SAMD8: variants seen among roughly 807,000 people sequenced by gnomAD.
The protein encoded by SAMD8 is sterile alpha motif domain containing 8.
SAMD8 carries 20 observed loss-of-function variants against 42.0 expected under a neutral mutation model. The observed-to-expected ratio is 0.48, with a 90% CI of 0.34 to 0.69. The LOEUF (loss-of-function observed/expected upper bound fraction) is 0.69, where lower values mean the gene tolerates loss of function less well. Among genes scored for constraint, SAMD8 ranks in the 30% least tolerant of loss-of-function variants. The probability of loss-of-function intolerance (pLI) is 0.01; values close to 1 mark genes in which losing one functional copy is unlikely to be tolerated. For synonymous variants in SAMD8, 162 were observed against 173.0 expected (o/e 0.94, Z 0.50); for missense variants, 328 against 511.6 (o/e 0.64, Z 3.46).
chr10:75,156,485 A>T (rs987493968), intron 2 of SAMD8, among the ~76,000 whole-genome samples: 2 of 152,178 alleles, frequency 1.3e-5, no homozygotes, highest in African/African-American at 2.4e-5. Flanking sequence ...CTATTACTTA[A>T]TTACAGAGGG....
chr10:75,172,501 ATT>A (rs756029536), intron 4 of SAMD8, among the ~76,000 whole-genome samples: 4 of 141,054 alleles, frequency 2.8e-5, no homozygotes, highest in Non-Finnish European at 3.1e-5. Flanking sequence ...CAGCCAACTG[ATT>A]TTTTTTTTTT....
intron 4 of SAMD8, among the ~76,000 whole-genome samples, chr10:75,172,936 G>C (rs960043942): frequency 6.6e-6 from 1 of 152,022 alleles, no homozygotes; most frequent in Non-Finnish European, 1.5e-5. Flanking sequence ...ACCTAGCCAG[G>C]ACAGATTTTA....
At chr10:75,106,098 TTTC>T (rs1472918954) in intron 1 of SAMD8, among the ~76,000 whole-genome samples, 8,089 of 112,936 alleles carry the variant, frequency 0.072, 331 homozygotes, top group African/African-American at 0.17. Flanking sequence ...TTTTCTTTCT[TTTC>T]TTTTTTTTTT....
rs563561565 is a variant in SAMD8, at chr10:75,128,198, G to C, written c.-16+16476G>C. Among the ~76,000 whole-genome samples, 23 of 148,416 alleles carry C rather than the reference G, an allele frequency of 1.5e-4. No homozygotes were observed. The South Asian group carries it at 5.0e-3, about 32-fold the overall frequency. ...AGCAATTCTCCTACCTCAGCCTCCCGAGTAGCTGGGATTACAGGCACATGC... is the reference window on the plus strand; with the variant it reads ...AGCAATTCTCCTACCTCAGCCTCCCCAGTAGCTGGGATTACAGGCACATGC... On this transcript the variant is annotated intron_variant, in intron 1 of 5. Coordinates refer to ENST00000542569, the MANE Select transcript of SAMD8 (RefSeq NM_001174156.2).
At chr10:75,141,295 A>G (rs559070638) in intron 1 of SAMD8, among the ~76,000 whole-genome samples, 1 of 151,770 alleles carries the variant, frequency 6.6e-6, no homozygotes, top group East Asian at 2.0e-4. Context: ...TGGAGGTTGC[A>G]GTGAGCCGAG....
At chr10:75,121,703 C>CT (rs965107688) in intron 1 of SAMD8, among the ~76,000 whole-genome samples, 21 of 150,898 alleles carry the variant, frequency 1.4e-4, no homozygotes, top group Admixed American at 3.3e-4. Flanking sequence ...TTTTTTTCTT[C>CT]TTTTTTTTGA....
At chr10:75,155,611 G>C (rs1021182301) in intron 2 of SAMD8, among the ~76,000 whole-genome samples, 1 of 152,184 alleles carries the variant, frequency 6.6e-6, no homozygotes. Context: ...GCAAAAATGG[G>C]TTATAATAGG....
At chr10:75,163,679 T>A (rs2997753) in intron 2 of SAMD8, among the ~76,000 whole-genome samples, 37,825 of 151,372 alleles carry the variant, frequency 0.25, 5,218 homozygotes, top group East Asian at 0.59. Flanking sequence ...AACTCCTGAG[T>A]TTAAGTAGTT....
intron 1 of SAMD8, among the ~76,000 whole-genome samples, chr10:75,121,314 TTTCTG>T (rs1429761737): frequency 6.6e-6 from 1 of 152,190 alleles, no homozygotes; most frequent in Non-Finnish European, 1.5e-5. Flanking sequence ...TACTCTTTAC[TTTCTG>T]GGCTGTATAT....
At chr10:75,110,534 G>A (rs537905607), upstream of SAMD8, among the ~76,000 whole-genome samples, 1 of 152,324 alleles carries the variant, frequency 6.6e-6, no homozygotes, top group East Asian at 1.9e-4. Flanking sequence ...CTACACTCAT[G>A]TCTATCCCAT....
rs1056345825 is a variant in SAMD8, at chr10:75,100,829, C to T, written c.-16+1101C>T. ...CACTCCCCCGTTTGCCTCTGTCTCC[C>T]ATCCTCCCCCAGGAAGCTCATGTGC... On this transcript the variant is annotated intron_variant, in intron 1 of 3. Coordinates refer to the SAMD8 transcript ENST00000447533. Among the ~76,000 whole-genome samples, 7 of 152,386 alleles carry T rather than the reference C, an allele frequency of 4.6e-5. No homozygotes were observed. The East Asian group carries it at 1.4e-3, about 29-fold the overall frequency.
intron 2 of SAMD8, among the ~76,000 whole-genome samples, chr10:75,159,716 C>A (rs1840512628): frequency 6.6e-6 from 1 of 152,226 alleles, no homozygotes; most frequent in African/African-American, 2.4e-5. Flanking sequence ...TGGACCTACA[C>A]TGTCCCAAAT....
intron 1 of SAMD8, among the ~76,000 whole-genome samples, chr10:75,102,721 G>A (rs1020254351): frequency 3.9e-5 from 6 of 152,172 alleles, no homozygotes; most frequent in African/African-American, 1.4e-4. Context: ...GGGAGGCCGA[G>A]GTGGGCGGAT....
At chr10:75,103,751 C>G (rs1276207649) in intron 1 of SAMD8, 2 of 604,730 alleles carry the variant, frequency 3.3e-6, no homozygotes, top group African/African-American at 2.0e-5. Context: ...CTGAGGGGAG[C>G]TGCTGGAGAC....
At chr10:75,144,668 G>T (rs1278853127) in intron 1 of SAMD8, among the ~76,000 whole-genome samples, 1 of 151,304 alleles carries the variant, frequency 6.6e-6, no homozygotes, top group Admixed American at 6.6e-5. Flanking sequence ...TCTTTTCATT[G>T]TTTTTTTGAG....
At chr10:75,114,701 C>T (rs72805337) in intron 1 of SAMD8, among the ~76,000 whole-genome samples, 4,664 of 152,150 alleles carry the variant, frequency 0.031, 109 homozygotes, top group Middle Eastern at 0.083. Context: ...ACTTCCAGGC[C>T]TGATGTAATA....
At chr10:75,115,080 A>G (rs1848845438) in intron 1 of SAMD8, among the ~76,000 whole-genome samples, 1 of 152,236 alleles carries the variant, frequency 6.6e-6, no homozygotes, top group South Asian at 2.1e-4. Flanking sequence ...ACTTATTTGC[A>G]GAGATGACAG....
intron 4 of SAMD8, among the ~76,000 whole-genome samples, chr10:75,175,515 C>T (rs1312263172): frequency 1.3e-5 from 2 of 151,564 alleles, no homozygotes; most frequent in South Asian, 4.2e-4. Context: ...ACAGTGATTT[C>T]ATTTATTTAT....
chr10:75,111,407 C>T (rs1337639991), upstream of SAMD8: 1 of 842,766 alleles, frequency 1.2e-6, no homozygotes, highest in African/African-American at 1.8e-5. Flanking sequence ...TCGGGCCCAT[C>T]TGGAGCCTCG....
Sources: gnomAD v4.1 joint callset for allele counts (sites outside exome capture counted in the v4.1 genomes callset) on GRCh38, gnomAD v4.1.1 for gene constraint, MANE v1.5 for transcripts, NCBI Gene and HGNC (gene_info 2026-07-23, HGNC 2026-07-21) for gene names.